CLTCL1: variants seen among roughly 807,000 people sequenced by gnomAD.
CLTCL1 encodes the protein clathrin heavy chain like 1.
CLTCL1 carries 159 observed loss-of-function variants against 190.0 expected under a neutral mutation model. That is an observed-to-expected ratio of 0.84 (90% CI 0.74 to 0.95). The LOEUF is 0.95. CLTCL1 is among the 40% of genes least tolerant of loss of function. The probability of loss-of-function intolerance (pLI) is 0.00; values close to 1 mark genes in which losing one functional copy is unlikely to be tolerated. For missense variants in CLTCL1, 1,878 were observed against 2,033.4 expected (o/e 0.92, Z 1.47); for synonymous variants, 752 against 769.6 (o/e 0.98, Z 0.38).
At chr22:19,207,671 A>G (rs1555943521) in intron 22 of CLTCL1, 1 of 449,230 alleles carries the variant, frequency 2.2e-6, no homozygotes, top group East Asian at 3.3e-5. Context: ...GTGAAGCTTC[A>G]TCTGTATTTA....
At chr22:19,189,922 C>G in intron 27 of CLTCL1, among the ~76,000 whole-genome samples, 1 of 152,162 alleles carries the variant, frequency 6.6e-6, no homozygotes, top group South Asian at 2.1e-4. Context: ...TTCAAATCTT[C>G]TCCTTTAGCT....
At chr22:19,210,992 C>T (rs933100675) in intron 19 of CLTCL1, among the ~76,000 whole-genome samples, 1 of 152,124 alleles carries the variant, frequency 6.6e-6, no homozygotes, top group Admixed American at 6.5e-5. Flanking sequence ...CTTGCCCCCA[C>T]AAAGTGCTGG....
At chr22:19,255,158 C>A (rs2086706617) in intron 2 of CLTCL1, among the ~76,000 whole-genome samples, 1 of 152,134 alleles carries the variant, frequency 6.6e-6, no homozygotes, top group South Asian at 2.1e-4. Context: ...AACTCACAGA[C>A]AACATAATTA....
In CLTCL1 at chr22:19,221,364, A is replaced by G. The variant is rs782012663; in HGVS notation, c.2796+13T>C. On this transcript the variant is annotated intron_variant, in intron 17 of 32. Transcript: ENST00000427926. ...CAGGGTTACATGGGCAGCTCAGCAC[A>G]TCTGCTACCCACCTTGATGAGCTCA... is the stretch of plus-strand genomic sequence containing the variant. The G allele has an allele frequency of 2.0e-5, 31 of 1,533,988 alleles. No homozygotes were observed.
At chr22:19,245,557 T>C (rs1395418219) in intron 3 of CLTCL1, among the ~76,000 whole-genome samples, 1 of 152,188 alleles carries the variant, frequency 6.6e-6, no homozygotes, top group African/African-American at 2.4e-5. Flanking sequence ...AAGTGTATGA[T>C]TGAATGGCAT....
At chr22:19,276,923 T>C (rs571263552) in intron 1 of CLTCL1, among the ~76,000 whole-genome samples, 86 of 152,186 alleles carry the variant, frequency 5.7e-4, no homozygotes, top group African/African-American at 1.9e-3. Flanking sequence ...CCGCCCTCCT[T>C]GGCCTCCCAA....
intron 31 of CLTCL1, 144 bp from the exon 32 acceptor site, chr22:19,180,382 T>A: frequency 1.1e-6 from 1 of 902,518 alleles, no homozygotes; most frequent in Non-Finnish European, 1.8e-6. Context: ...CTCTCCAGTC[T>A]GCTCGACAGC....
rs3747056 is a variant in CLTCL1 at position 19,235,605 on chromosome 22, A to C, written c.969+91T>G. On this transcript the variant is annotated intron_variant, in intron 6 of 32. Transcript: ENST00000427926. ...AATAACAGGAACTATTAATAGCTAC[A>C]CCCAGCTGCTTTCCTAGAGAAGGGG... 14,231 of 1,239,722 alleles carry C rather than the reference A, an allele frequency of 0.011. 253 individuals carry two copies. The highest frequency in any genetic ancestry group is 0.068 in the East Asian group (2,911 of 42,838). 76.8% of individuals were successfully genotyped at this position (1,239,722 alleles called of 1,614,324 possible). A position where few individuals can be genotyped will look rare whatever the true frequency, so the allele number is the denominator to read the frequency against.
chr22:19,196,751 G>T, intron 24 of CLTCL1, 95 bp from the exon 25 acceptor site: 3 of 1,373,792 alleles, frequency 2.2e-6, no homozygotes, highest in Non-Finnish European at 3.0e-6. Context: ...CTGTGCTTGT[G>T]ACTGGGAATG....
rs1555931889 is a variant in CLTCL1, at chr22:19,191,356, A to G, written c.4271T>C (p.Leu1424Pro). 2 of 1,614,048 alleles carry G rather than the reference A, an allele frequency of 1.2e-6. No individual in the cohort carries two copies. The highest frequency in any genetic ancestry group is 3.3e-5 in the Admixed American group (2 of 60,028). The change falls in exon 27 of 33, where the codon CTG (leucine) becomes CCG (proline). Residue 1424 changes from leucine (L) to proline (P), a missense_variant. Leu to Pro is a moderately conservative substitution (Grantham distance 98, BLOSUM62 -3). Coordinates refer to ENST00000427926, the MANE Select transcript of CLTCL1 (RefSeq NM_007098.4). ...GTGGTCCAGCCGGGGTGAAAGCACCAGCAGCAGGTCATTGATGAGCAGTGG... is the reference window on the plus strand; with the variant it reads ...GTGGTCCAGCCGGGGTGAAAGCACCGGCAGCAGGTCATTGATGAGCAGTGG... ...YKPLLINDLL[L>P]VLSPRLDHTW...
At chr22:19,203,995 C>T (rs1024520822) in intron 22 of CLTCL1, among the ~76,000 whole-genome samples, 1 of 152,226 alleles carries the variant, frequency 6.6e-6, no homozygotes, top group African/African-American at 2.4e-5. Context: ...GCTGACTATG[C>T]TTTGCACTTG....
At chr22:19,223,723 A>T (rs1555953922) in intron 14 of CLTCL1, among the ~76,000 whole-genome samples, 168 bp downstream of exon 14, 1 of 152,196 alleles carries the variant, frequency 6.6e-6, no homozygotes, top group Admixed American at 6.5e-5. Context: ...AAAACGATAG[A>T]AGGGTTACTT....
At chr22:19,268,584 C>G (rs782749143) in intron 2 of CLTCL1, among the ~76,000 whole-genome samples, 9 of 151,814 alleles carry the variant, frequency 5.9e-5, no homozygotes, top group Non-Finnish European at 1.3e-4. Context: ...GGTTAATAAT[C>G]ATATTTAAAA....
Position 19,194,997 on chromosome 22 carries a change from G to A in CLTCL1, c.4191+1269C>T, listed in dbSNP as rs546460412. On this transcript the variant is annotated intron_variant, in intron 26 of 32. Transcript: ENST00000427926. ...TCAGCCCTGCAGGCACCAGATGAGA[G>A]ATGCTGCTCTCCCACACAGTGAGTC... is the stretch of plus-strand genomic sequence containing the variant. 2.0e-4 allele frequency among the ~76,000 whole-genome samples: 31 copies of A among 152,354 alleles called. No individual in the cohort carries two copies. The East Asian group carries it at 5.0e-3, about 25-fold the overall frequency.
chr22:19,222,504 GTGT>G (rs1287121465), intron 15 of CLTCL1, among the ~76,000 whole-genome samples, 177 bp downstream of exon 15: 3 of 152,190 alleles, frequency 2.0e-5, no homozygotes, highest in Non-Finnish European at 4.4e-5. Flanking sequence ...AAATAAATGT[GTGT>G]TGTTTCAGCT....
intron 4 of CLTCL1, among the ~76,000 whole-genome samples, chr22:19,241,942 T>A (rs73877056): frequency 0.078 from 8,103 of 104,126 alleles, 324 homozygotes; most frequent in East Asian, 0.25. Context: ...CTCATCTACC[T>A]TTTTTTTTTT....
intron 10 of CLTCL1, among the ~76,000 whole-genome samples, chr22:19,232,261 A>AT (rs2085939345): frequency 6.6e-6 from 1 of 152,192 alleles, no homozygotes; most frequent in South Asian, 2.1e-4. Context: ...CCAAACAAAC[A>AT]TTCTCTAAAG....
chr22:19,214,225 G>A (rs541148519), intron 19 of CLTCL1, among the ~76,000 whole-genome samples: 2 of 152,172 alleles, frequency 1.3e-5, no homozygotes, highest in African/African-American at 2.4e-5. Flanking sequence ...GCAGGGGCAC[G>A]TCAGAGGTCC....
intron 3 of CLTCL1, among the ~76,000 whole-genome samples, chr22:19,251,117 T>G (rs2146045799): frequency 6.6e-6 from 1 of 151,532 alleles, no homozygotes; most frequent in South Asian, 2.1e-4. Context: ...CATGCAATAT[T>G]TTTCGATTTA....
Sources: gnomAD v4.1 joint callset for allele counts (sites outside exome capture counted in the v4.1 genomes callset) on GRCh38, gnomAD v4.1.1 for gene constraint, MANE v1.5 for transcripts, NCBI Gene and HGNC (gene_info 2026-07-23, HGNC 2026-07-21) for gene names.